The following DBF4 variants were observed in gnomAD, a reference collection of about 807,000 sequenced individuals.
DBF4 encodes the protein protein DBF4 homolog A.
Under a neutral mutation model 76.6 loss-of-function variants are expected in DBF4, and 25 were observed. That is an observed-to-expected ratio of 0.33 (90% confidence interval 0.24 to 0.46). The LOEUF is 0.46. Among genes scored for constraint, DBF4 ranks in the 20% least tolerant of loss-of-function variants. The pLI is 1.00. For synonymous variants in DBF4, 213 were observed against 258.0 expected (o/e 0.83, Z 1.67); for missense variants, 638 against 760.8 (o/e 0.84, Z 1.90).
rs754655033 is a variant in DBF4, at chr7:87,900,276, A to G, written c.736A>G (p.Ile246Val). The G allele has an allele frequency of 2.5e-6, 4 of 1,605,660 alleles. No individual in the cohort carries two copies. Among genetic ancestry groups the G allele is most frequent in the South Asian group, 1.1e-5 (1 of 89,784 alleles). The change falls in exon 9 of 12, where the codon ATT becomes GTT. Residue 246 changes from isoleucine to valine, a missense_variant. Physicochemically the swap from Ile to Val is conservative, Grantham distance 29. Coordinates refer to ENST00000265728, the MANE Select transcript of DBF4 (RefSeq NM_006716.4). ...CAATATGCCTTTTATAAATTATTCTATTCAGAAGCCCTGCAGTCCATTTGA... is the reference window on the plus strand; with the variant it reads ...CAATATGCCTTTTATAAATTATTCTGTTCAGAAGCCCTGCAGTCCATTTGA... ...LTNMPFINYSIQKPCSPFDVD... is the reference protein window; with the variant it reads ...LTNMPFINYSVQKPCSPFDVD...
intron 3 of DBF4, among the ~76,000 whole-genome samples, chr7:87,886,462 G>C (rs569465031): frequency 4.2e-4 from 62 of 146,376 alleles, no homozygotes; most frequent in Non-Finnish European, 7.6e-4. Flanking sequence ...TTGAACCCGG[G>C]AGGCAGAGGT....
chr7:87,886,158 G>A (rs1839343959), intron 3 of DBF4, among the ~76,000 whole-genome samples: 1 of 152,048 alleles, frequency 6.6e-6, no homozygotes, highest in Non-Finnish European at 1.5e-5. Context: ...CTTTTTTGGA[G>A]CAAGGAGACA....
intron 7 of DBF4, among the ~76,000 whole-genome samples, chr7:87,897,014 A>G (rs1356961965): frequency 6.6e-6 from 1 of 152,208 alleles, no homozygotes; most frequent in Non-Finnish European, 1.5e-5. Flanking sequence ...GAGGTTAGTG[A>G]AGACAATAGT....
chr7:87,896,304 A>G, intron 6 of DBF4, 170 bp from the exon 7 acceptor site: 1 of 562,056 alleles, frequency 1.8e-6, no homozygotes, highest in Non-Finnish European at 3.1e-6. Flanking sequence ...GTACTTGCTG[A>G]GTGTATTGTA....
chr7:87,886,754 C>T, intron 3 of DBF4, 90 bp from the exon 4 acceptor site: 3 of 790,214 alleles, frequency 3.8e-6, no homozygotes, highest in Admixed American at 2.6e-5. Flanking sequence ...TAATATGAGA[C>T]CCAAAAGTTC....
rs369520422 is a variant in DBF4, at chr7:87,908,621, T to C, written c.*458T>C. ...TGAATTCTGGAAATCATCAGAAATA[T>C]TGACACTTGAGGGTCACTGGTGGAC... On this transcript the variant is annotated 3_prime_UTR_variant, in exon 12 of 12. Coordinates refer to ENST00000265728, the MANE Select transcript of DBF4 (RefSeq NM_006716.4). 1 of 154,144 alleles carries C rather than the reference T, an allele frequency of 6.5e-6. No homozygotes were observed. Among genetic ancestry groups the C allele is most frequent in the South Asian group, 2.0e-4 (1 of 4,918 alleles). The allele number at this position is 154,144 out of a possible 1,614,324, so 9.5% of individuals were successfully genotyped here. A position where few individuals can be genotyped will look rare whatever the true frequency, so the allele number is the denominator to read the frequency against.
intron 8 of DBF4, among the ~76,000 whole-genome samples, 163 bp from the exon 9 acceptor site, chr7:87,900,053 GTTTAA>G (rs1839736110): frequency 6.6e-6 from 1 of 151,998 alleles, no homozygotes; most frequent in African/African-American, 2.4e-5. Flanking sequence ...TTTAAAAAAT[GTTTAA>G]ATGTTAAAAA....
chr7:87,907,335 T>C lies in DBF4; in HGVS notation c.1197T>C (p.Tyr399=). The C allele has an allele frequency of 6.2e-7, 1 of 1,613,934 alleles. No individual in the cohort carries two copies. The highest frequency in any genetic ancestry group is 1.1e-5 in the South Asian group (1 of 91,064). The change falls in exon 12 of 12, where the codon TAT becomes TAC. Residue 399 remains tyrosine, a synonymous_variant. Transcript: ENST00000265728. ...CAGTGAAGGAGCAGAATTTCCTGTATAAAGAGACCCAGGAAACTGAAAAAA... is the reference window on the plus strand; with the variant it reads ...CAGTGAAGGAGCAGAATTTCCTGTACAAAGAGACCCAGGAAACTGAAAAAA... ...DTTVKEQNFL[Y]KETQETEKKL...
At position 87,903,826 on chromosome 7, in the gene DBF4, C is replaced by G. The variant is rs142333999; in HGVS notation, c.925-466C>G. Among the ~76,000 whole-genome samples, 1,083 of 151,444 alleles carry G rather than the reference C, an allele frequency of 7.2e-3. 10 individuals carry two copies. Among genetic ancestry groups the G allele is most frequent in the East Asian group, 0.053 (271 of 5,078 alleles). On this transcript the variant is annotated intron_variant, in intron 10 of 11. Coordinates refer to ENST00000265728, the MANE Select transcript of DBF4 (RefSeq NM_006716.4). ...TCTTCTGCCTCAGCCTCCCAAGTAT[C>G]TGGGACTACAGGCATGTGCCACCAG...
chr7:87,894,879 T>G (rs1313960888), intron 6 of DBF4, among the ~76,000 whole-genome samples: 2 of 152,238 alleles, frequency 1.3e-5, no homozygotes, highest in East Asian at 3.8e-4. Flanking sequence ...GTGCCTACAC[T>G]TGGTTCACTG....
chr7:87,905,216 C>A (rs1009731638), intron 11 of DBF4, among the ~76,000 whole-genome samples: 1 of 152,200 alleles, frequency 6.6e-6, no homozygotes, highest in Admixed American at 6.5e-5. Context: ...GCCGTAAGAT[C>A]TCTGTTGCAA....
chr7:87,892,557 GT>G (rs1394448732), intron 6 of DBF4, among the ~76,000 whole-genome samples: 1 of 152,090 alleles, frequency 6.6e-6, no homozygotes, highest in African/African-American at 2.4e-5. Flanking sequence ...CACGTGCAGG[GT>G]TTTTTTGTGG....
At chr7:87,897,007 G>T (rs962870547) in intron 7 of DBF4, among the ~76,000 whole-genome samples, 2 of 152,210 alleles carry the variant, frequency 1.3e-5, no homozygotes, top group Non-Finnish European at 2.9e-5. Flanking sequence ...TCAGTTTGAG[G>T]TTAGTGAAGA....
At position 87,904,406 on chromosome 7, in the gene DBF4, AAAAAG is replaced by A; in HGVS notation, c.1045_1049del (p.Lys349AsnfsTer20). On this transcript the variant is annotated frameshift_variant, in exon 11 of 12. Coordinates refer to ENST00000265728, the MANE Select transcript of DBF4 (RefSeq NM_006716.4). LOFTEE classifies it high-confidence loss of function. Reference sequence around the variant, plus strand: ...TGTGGAATATGAAAAGGACACACCTAAAAAGAAAAGGTAATTAGTTTTATCAACCT... The same window carrying A: ...TGTGGAATATGAAAAGGACACACCTAAAAAGGTAATTAGTTTTATCAACCT... 6.2e-7 allele frequency: 1 copy of A among 1,611,654 alleles called. No homozygotes were observed.
At chr7:87,888,227 T>C (rs1839408560) in intron 6 of DBF4, 168 bp downstream of exon 6, 1 of 945,962 alleles carries the variant, frequency 1.1e-6, no homozygotes, top group South Asian at 4.9e-5. Context: ...AGGGTTGTAC[T>C]CACCAGGTAA....
intron 3 of DBF4, among the ~76,000 whole-genome samples, chr7:87,885,667 G>C (rs1839328451): frequency 1.3e-5 from 2 of 152,186 alleles, no homozygotes; most frequent in African/African-American, 4.8e-5. Flanking sequence ...TTGGAACACA[G>C]CCATACCTGT....
At chr7:87,892,458 A>G (rs1196985922) in intron 6 of DBF4, among the ~76,000 whole-genome samples, 2 of 152,140 alleles carry the variant, frequency 1.3e-5, no homozygotes, top group African/African-American at 2.4e-5. Context: ...CATTTTCTAT[A>G]TGCAGCACAG....
intron 2 of DBF4, among the ~76,000 whole-genome samples, chr7:87,882,998 T>G (rs1303809137): frequency 1.3e-5 from 2 of 152,192 alleles, no homozygotes; most frequent in Non-Finnish European, 2.9e-5. Context: ...AAGATATTTA[T>G]TATTCACAAT....
chr7:87,904,235 A>C (rs963817647), intron 10 of DBF4, 57 bp from the exon 11 acceptor site: 16 of 1,523,558 alleles, frequency 1.1e-5, no homozygotes, highest in Non-Finnish European at 1.4e-5. Flanking sequence ...TTAATTAAAA[A>C]GGCATCTCTT....
Sources: allele counts gnomAD v4.1 joint callset (sites outside exome capture counted in the v4.1 genomes callset), GRCh38; gene constraint gnomAD v4.1.1; transcripts MANE v1.5; gene names NCBI Gene and HGNC (gene_info 2026-07-23, HGNC 2026-07-21).